ZC3HC1: variants seen among roughly 807,000 people sequenced by gnomAD.
ZC3HC1 encodes the protein zinc finger C3HC-type protein 1.
A neutral mutation model predicts 61.9 loss-of-function variants in ZC3HC1; 38 were observed. The observed-to-expected ratio is 0.61, with a 90% CI of 0.47 to 0.81. The LOEUF (loss-of-function observed/expected upper bound fraction) is 0.81. Among genes scored for constraint, ZC3HC1 ranks in the 30% least tolerant of loss-of-function variants. The pLI is 0.00. For synonymous variants in ZC3HC1, 213 were observed against 229.9 expected, an observed-to-expected ratio of 0.93 and a Z score of 0.67; for missense variants, 554 against 622.7, an observed-to-expected ratio of 0.89 and a Z score of 1.17.
chr7:130,047,622 A>C (rs1383059122), intron 2 of ZC3HC1, among the ~76,000 whole-genome samples: 1 of 148,130 alleles, frequency 6.8e-6, no homozygotes. Flanking sequence ...CCTGGGCAAC[A>C]TAGCAAGACT....
At chr7:130,047,771 GCTCCA>G (rs1794924557) in intron 2 of ZC3HC1, among the ~76,000 whole-genome samples, 1 of 152,086 alleles carries the variant, frequency 6.6e-6, no homozygotes. Context: ...TTTTAAGGTG[GCTCCA>G]ATGATCCCTG....
At chr7:130,019,234 G>C (rs758407415) in intron 9 of ZC3HC1, among the ~76,000 whole-genome samples, 1 of 152,002 alleles carries the variant, frequency 6.6e-6, no homozygotes, top group Non-Finnish European at 1.5e-5. Context: ...ATTTTTAGTA[G>C]AGATGGGGGT....
chr7:130,028,941 G>A lies in ZC3HC1; in HGVS notation c.582C>T (p.Leu194=). 1.2e-6 allele frequency: 2 copies of A among 1,613,820 alleles called. No individual in the cohort carries two copies. Among genetic ancestry groups the A allele is most frequent in the Non-Finnish European group, 1.7e-6 (2 of 1,179,842 alleles). Residue 194 remains leucine (L), a synonymous_variant, in exon 5 of 10, where the codon CTC becomes CTT. Transcript: ENST00000358303. Reference sequence around the variant, plus strand: ...CCTCCGGCCTTAGGGAAGGAAGCTGGAGGTCCAAGTGACAAAGGCTTTGAA... The same window carrying A: ...CCTCCGGCCTTAGGGAAGGAAGCTGAAGGTCCAAGTGACAAAGGCTTTGAA... ...DRFQSLCHLD[L]QLPSLRPEDL... is the part of the protein sequence containing the mutation.
Position 130,040,721 on chromosome 7 carries a change from G to A in ZC3HC1, c.409+230C>T, listed in dbSNP as rs553293799. ...CTACTTGGGAGGCTGAGGAAGGATC[G>A]CTTGAGCCCAGGAGGTTGAGGCTGT... On this transcript the variant is annotated intron_variant, in intron 3 of 9. Coordinates refer to ENST00000358303, the MANE Select transcript of ZC3HC1 (RefSeq NM_016478.5). Among the ~76,000 whole-genome samples, 1 of 150,530 alleles carries A rather than the reference G, an allele frequency of 6.6e-6. No homozygotes were observed. Among genetic ancestry groups the A allele is most frequent in the Non-Finnish European group, 1.5e-5 (1 of 67,754 alleles).
chr7:130,050,684 A>G (rs1429177647), intron 1 of ZC3HC1, among the ~76,000 whole-genome samples: 2 of 152,222 alleles, frequency 1.3e-5, no homozygotes, highest in African/African-American at 4.8e-5. Flanking sequence ...CATGTCTTCA[A>G]ATACCTTTGT....
chr7:130,039,617 A>AAG, intron 3 of ZC3HC1, 70 bp from the exon 4 acceptor site: 1 of 1,067,950 alleles, frequency 9.4e-7, no homozygotes, highest in African/African-American at 1.6e-5. Context: ...AATGGCCTCT[A>AAG]AGAGCAGAGA....
chr7:130,048,252 C>T (rs1353197252), intron 2 of ZC3HC1, among the ~76,000 whole-genome samples: 6 of 148,386 alleles, frequency 4.0e-5, no homozygotes, highest in Non-Finnish European at 8.9e-5. Flanking sequence ...TAGGTTCAAG[C>T]TATTCTCCTG....
upstream of ZC3HC1, chr7:130,051,435 T>C: frequency 6.3e-7 from 1 of 1,599,430 alleles, no homozygotes; most frequent in African/African-American, 1.4e-5. Flanking sequence ...GGGAGGTTAA[T>C]ATCCGCCTCT....
At chr7:130,022,677 T>C (rs1793702780) in intron 8 of ZC3HC1, 152 bp from the exon 9 acceptor site, 2 of 829,758 alleles carry the variant, frequency 2.4e-6, no homozygotes, top group South Asian at 1.7e-5. Flanking sequence ...CATTTTCCTC[T>C]CATTTTCTTT....
chr7:130,041,136 A>ATG (rs749545390), intron 2 of ZC3HC1, 35 bp from the exon 3 acceptor site: 37 of 1,542,590 alleles, frequency 2.4e-5, no homozygotes, highest in Middle Eastern at 1.7e-4. Context: ...CAGCAAATAT[A>ATG]TATATATATG....
Position 130,045,849 on chromosome 7 carries a change from C to T in ZC3HC1, c.258+3184G>A, listed in dbSNP as rs372922991. Among the ~76,000 whole-genome samples the T allele has an allele frequency of 1.1e-4, 16 of 147,282 alleles. No individual in the cohort carries two copies. The South Asian group carries it at 3.4e-3, about 32-fold the overall frequency. On this transcript the variant is annotated intron_variant, in intron 2 of 9. Coordinates refer to ENST00000358303, the MANE Select transcript of ZC3HC1 (RefSeq NM_016478.5). ...GAGGTTGCAGTAAGCCAAGATCACA[C>T]CAGTGCACTCCAGCCTGGGTGGCAG...
intron 1 of ZC3HC1, 142 bp from the exon 2 acceptor site, chr7:130,049,286 T>A: frequency 2.0e-6 from 1 of 507,544 alleles, no homozygotes; most frequent in Non-Finnish European, 3.3e-6. Flanking sequence ...CTCATGTCAT[T>A]CCTCAGCTTA....
At chr7:130,048,239 T>G (rs1794944175) in intron 2 of ZC3HC1, among the ~76,000 whole-genome samples, 1 of 145,350 alleles carries the variant, frequency 6.9e-6, no homozygotes. Context: ...AAACTCTGCC[T>G]CCTAGGTTCA....
intron 2 of ZC3HC1, among the ~76,000 whole-genome samples, chr7:130,042,827 C>T (rs1157547401): frequency 5.9e-5 from 9 of 152,072 alleles, no homozygotes; most frequent in Non-Finnish European, 1.3e-4. Context: ...GGATTATAGG[C>T]GTGCGCCACC....
At chr7:130,048,987 T>G in intron 2 of ZC3HC1, 46 bp downstream of exon 2, 1 of 1,473,154 alleles carries the variant, frequency 6.8e-7, no homozygotes, top group Non-Finnish European at 9.3e-7. Flanking sequence ...GGAGGAATTC[T>G]AGAAGCAGGC....
intron 1 of ZC3HC1, among the ~76,000 whole-genome samples, chr7:130,050,146 C>T (rs1179573656): frequency 1.3e-5 from 2 of 152,026 alleles, no homozygotes; most frequent in Non-Finnish European, 2.9e-5. Flanking sequence ...GACGCGATCT[C>T]GGCTCACTGC....
chr7:130,032,668 T>TGGAAGGAA (rs374532483), intron 4 of ZC3HC1, among the ~76,000 whole-genome samples: 5,318 of 57,924 alleles, frequency 0.092, 313 homozygotes, highest in Non-Finnish European at 0.1. Context: ...ATAGAAGAAA[T>TGGAAGGAA]GGAAGGAAGG....
chr7:130,046,433 C>A (rs1219645886), intron 2 of ZC3HC1, among the ~76,000 whole-genome samples: 15 of 151,704 alleles, frequency 9.9e-5, no homozygotes, highest in African/African-American at 3.4e-4. Context: ...ACAGTGAAAC[C>A]CCATCTCTAC....
intron 2 of ZC3HC1, among the ~76,000 whole-genome samples, chr7:130,042,785 C>G (rs528728493): frequency 6.6e-6 from 1 of 152,072 alleles, no homozygotes; most frequent in Admixed American, 6.6e-5. Context: ...TGGGTTCAAC[C>G]GATTCTCCTG....
Sources: gnomAD v4.1 joint callset for allele counts (sites outside exome capture counted in the v4.1 genomes callset) on GRCh38, gnomAD v4.1.1 for gene constraint, MANE v1.5 for transcripts, NCBI Gene and HGNC (gene_info 2026-07-23, HGNC 2026-07-21) for gene names.